The following AMN1 variants were observed in gnomAD, a reference collection of about 807,000 sequenced individuals.
AMN1 encodes antagonist of mitotic exit network 1 homolog, also known as protein AMN1 homolog.
In AMN1, 20 loss-of-function variants were observed where a neutral mutation model predicts 33.0. The ratio of observed to expected loss-of-function variants is 0.61; its 90% confidence interval spans 0.43 to 0.88. The LOEUF (loss-of-function observed/expected upper bound fraction) is 0.88. Among genes scored for constraint, AMN1 ranks in the 40% least tolerant of loss-of-function variants. AMN1 has a pLI of 0.00. For synonymous variants in AMN1, 114 were observed against 111.9 expected, an observed-to-expected ratio of 1.02 and a Z score of -0.12; for missense variants, 246 against 307.4, an observed-to-expected ratio of 0.80 and a Z score of 1.49.
At chr12:31,678,929 A>G in intron 6 of AMN1, among the ~76,000 whole-genome samples, 1 of 152,180 alleles carries the variant, frequency 6.6e-6, no homozygotes, top group East Asian at 1.9e-4. Context: ...ATTAAGACAA[A>G]TATGAAATAA....
chr12:31,697,522 A>C, intron 4 of AMN1, 105 bp from the exon 5 acceptor site: 1 of 1,193,294 alleles, frequency 8.4e-7, no homozygotes, highest in South Asian at 1.3e-5. Context: ...CCTCCCATTC[A>C]TCAAACATGT....
chr12:31,712,115 T>C (rs768413970), intron 1 of AMN1, among the ~76,000 whole-genome samples: 1 of 151,826 alleles, frequency 6.6e-6, no homozygotes, highest in Non-Finnish European at 1.5e-5. Flanking sequence ...CTTGCTCTGT[T>C]GCCTAGGTTG....
chr12:31,697,161 T>C (rs1366308283), intron 5 of AMN1, among the ~76,000 whole-genome samples, 200 bp downstream of exon 5: 1 of 152,170 alleles, frequency 6.6e-6, no homozygotes, highest in Non-Finnish European at 1.5e-5. Context: ...GGAAGTAAAA[T>C]GAGTTTTTAT....
chr12:31,692,067 AG>A (rs1339853573), intron 5 of AMN1, among the ~76,000 whole-genome samples: 1 of 151,716 alleles, frequency 6.6e-6, no homozygotes, highest in East Asian at 2.0e-4. Flanking sequence ...TAGTAGAGAC[AG>A]GGTTTCACCA....
At position 31,722,835 on chromosome 12, in the gene AMN1, C is replaced by T. The variant is rs534839716; in HGVS notation, c.38+6136G>A. ...GGTCAGCAAACTATGACCTGTGGGA[C>T]AAATGTAGCCAGCTGCTAGTTTTCA... On this transcript the variant is annotated intron_variant, in intron 1 of 6. Coordinates refer to ENST00000281471, the MANE Select transcript of AMN1 (RefSeq NM_001113402.2). 4.6e-5 allele frequency among the ~76,000 whole-genome samples: 7 copies of T among 152,242 alleles called. No homozygotes were observed. In the South Asian group the frequency reaches 1.5e-3, roughly 32 times the overall value.
At chr12:31,725,076 G>C (rs984863982) in intron 1 of AMN1, among the ~76,000 whole-genome samples, 1 of 152,140 alleles carries the variant, frequency 6.6e-6, no homozygotes, top group Non-Finnish European at 1.5e-5. Context: ...AGTTTAAGTG[G>C]GTGCTTCTCC....
chr12:31,707,930 A>G (rs1939311184), intron 2 of AMN1, among the ~76,000 whole-genome samples: 1 of 152,188 alleles, frequency 6.6e-6, no homozygotes, highest in Non-Finnish European at 1.5e-5. Context: ...ATAATTTCTT[A>G]TGCCTGTCTT....
intron 1 of AMN1, among the ~76,000 whole-genome samples, chr12:31,710,093 T>C (rs1939408734): frequency 6.6e-6 from 1 of 152,232 alleles, no homozygotes; most frequent in South Asian, 2.1e-4. Context: ...TCCAGCAAAC[T>C]TGTTTTTACT....
chr12:31,677,605 C>G (rs1482014491), intron 6 of AMN1, among the ~76,000 whole-genome samples: 1 of 152,088 alleles, frequency 6.6e-6, no homozygotes, highest in African/African-American at 2.4e-5. Flanking sequence ...CTTGTTGGGG[C>G]TCAGAAAAGG....
At chr12:31,702,165 C>T (rs564606840) in intron 2 of AMN1, among the ~76,000 whole-genome samples, 158 bp from the exon 3 acceptor site, 1 of 152,226 alleles carries the variant, frequency 6.6e-6, no homozygotes, top group African/African-American at 2.4e-5. Flanking sequence ...ACACACAAAG[C>T]AGGAGAAAAC....
intron 1 of AMN1, among the ~76,000 whole-genome samples, chr12:31,720,028 C>A (rs1174704812): frequency 2.6e-5 from 4 of 152,130 alleles, no homozygotes; most frequent in Non-Finnish European, 4.4e-5. Flanking sequence ...TGTGAATATA[C>A]TACATTTAAT....
chr12:31,708,578 C>T (rs1939340906), intron 2 of AMN1: 1 of 153,916 alleles, frequency 6.5e-6, no homozygotes, highest in Admixed American at 6.5e-5. Flanking sequence ...TGCTTTTTGC[C>T]CTTTAAAGCA....
chr12:31,691,794 AT>A (rs763795286), intron 5 of AMN1, among the ~76,000 whole-genome samples: 2 of 152,226 alleles, frequency 1.3e-5, no homozygotes, highest in Non-Finnish European at 2.9e-5. Context: ...ACATAATCAT[AT>A]TTAGGATAGT....
At chr12:31,720,540 CAAA>C (rs764141018) in intron 1 of AMN1, among the ~76,000 whole-genome samples, 2 of 124,734 alleles carry the variant, frequency 1.6e-5, no homozygotes, top group Admixed American at 8.0e-5. Context: ...AACTCTGTCT[CAAA>C]AAAAAAAAAA....
intron 2 of AMN1, chr12:31,708,893 G>A: frequency 6.5e-6 from 2 of 307,052 alleles, no homozygotes; most frequent in Non-Finnish European, 1.3e-5. Context: ...ATTCTAAAAT[G>A]TGGGCCAGGC....
intron 1 of AMN1, among the ~76,000 whole-genome samples, chr12:31,722,506 CTT>C (rs2139731956): frequency 6.6e-6 from 1 of 152,230 alleles, no homozygotes; most frequent in Non-Finnish European, 1.5e-5. Context: ...GTCCATGCAT[CTT>C]AGTAAGGTAG....
intron 1 of AMN1, among the ~76,000 whole-genome samples, chr12:31,726,096 C>T (rs1484202134): frequency 6.6e-6 from 1 of 151,986 alleles, no homozygotes; most frequent in African/African-American, 2.4e-5. Context: ...TAAGACACTT[C>T]TTCCTCCATA....
At chr12:31,690,990 T>C (rs1206937650) in intron 5 of AMN1, among the ~76,000 whole-genome samples, 2 of 151,440 alleles carry the variant, frequency 1.3e-5, no homozygotes, top group African/African-American at 4.9e-5. Flanking sequence ...ACAAAAAAAT[T>C]AGCTGGGCAT....
chr12:31,700,025 A>C (rs1489651922), intron 3 of AMN1, among the ~76,000 whole-genome samples: 1 of 152,148 alleles, frequency 6.6e-6, no homozygotes, highest in African/African-American at 2.4e-5. Context: ...AACATATTAA[A>C]ACTTATGCGT....
Sources: allele counts gnomAD v4.1 joint callset (sites outside exome capture counted in the v4.1 genomes callset), GRCh38; gene constraint gnomAD v4.1.1; transcripts MANE v1.5; gene names NCBI Gene and HGNC (gene_info 2026-07-23, HGNC 2026-07-21).